The following OCIAD2 variants were observed in gnomAD, a reference collection of about 807,000 sequenced individuals.
OCIAD2 encodes OCIA domain-containing protein 2.
A neutral mutation model predicts 22.9 loss-of-function variants in OCIAD2; 29 were observed. The ratio of observed to expected loss-of-function variants is 1.27; its 90% CI spans 0.94 to 1.73. The LOEUF (loss-of-function observed/expected upper bound fraction) is 1.73. OCIAD2 is among the 40% of genes most tolerant of loss of function. The pLI is 0.00. For missense variants in OCIAD2, 189 were observed against 180.3 expected (o/e 1.05, Z -0.28); for synonymous variants, 67 against 60.2 (o/e 1.11, Z -0.52).
chr4:48,887,593 G>T (rs1299638624), intron 6 of OCIAD2, among the ~76,000 whole-genome samples: 3 of 152,142 alleles, frequency 2.0e-5, no homozygotes, highest in Non-Finnish European at 4.4e-5. Flanking sequence ...ATTAAGTAGG[G>T]AATCCTTTCC....
At chr4:48,899,299 G>C (rs572244479) in intron 3 of OCIAD2, among the ~76,000 whole-genome samples, 1 of 152,254 alleles carries the variant, frequency 6.6e-6, no homozygotes, top group African/African-American at 2.4e-5. Flanking sequence ...TCTTATGTGA[G>C]GCAGGCTCAG....
chr4:48,886,250 AT>A (rs1780983227), intron 6 of OCIAD2, among the ~76,000 whole-genome samples: 1 of 152,144 alleles, frequency 6.6e-6, no homozygotes, highest in South Asian at 2.1e-4. Flanking sequence ...GTGTGGTATT[AT>A]TTCTGAGGGC....
intron 4 of OCIAD2, among the ~76,000 whole-genome samples, chr4:48,896,735 G>A (rs1290539996): frequency 6.6e-6 from 1 of 151,476 alleles, no homozygotes; most frequent in Non-Finnish European, 1.5e-5. Flanking sequence ...ACAGTTTGAG[G>A]ACAGCTTGGG....
chr4:48,894,304 A>G (rs1307686868), intron 4 of OCIAD2, among the ~76,000 whole-genome samples: 2 of 152,112 alleles, frequency 1.3e-5, no homozygotes, highest in African/African-American at 4.8e-5. Flanking sequence ...CAGCTTGGCC[A>G]ACATGGTGAA....
At chr4:48,903,043 A>T (rs1449965423) in intron 2 of OCIAD2, among the ~76,000 whole-genome samples, 1 of 152,144 alleles carries the variant, frequency 6.6e-6, no homozygotes, top group African/African-American at 2.4e-5. Context: ...GTGTCCAAAT[A>T]ATTCTCCTTG....
At chr4:48,893,984 C>CT in intron 5 of OCIAD2, 22 bp downstream of exon 5, 1 of 1,486,634 alleles carries the variant, frequency 6.7e-7, no homozygotes, top group Non-Finnish European at 9.0e-7. Flanking sequence ...ACTTGGCTTG[C>CT]TTTTTTATTT....
chr4:48,901,949 G>A (rs530906347), intron 2 of OCIAD2, among the ~76,000 whole-genome samples: 6 of 149,802 alleles, frequency 4.0e-5, no homozygotes, highest in African/African-American at 1.0e-4. Context: ...GGGGAGGCGT[G>A]GGGGGGGCGT....
At chr4:48,886,254 C>G (rs1046083230) in intron 6 of OCIAD2, among the ~76,000 whole-genome samples, 2 of 152,160 alleles carry the variant, frequency 1.3e-5, no homozygotes, top group African/African-American at 2.4e-5. Context: ...GGTATTATTT[C>G]TGAGGGCTCT....
chr4:48,903,896 C>T (rs1301524297), intron 2 of OCIAD2, among the ~76,000 whole-genome samples: 6 of 151,904 alleles, frequency 3.9e-5, no homozygotes, highest in South Asian at 2.1e-4. Context: ...CCACCCGCCT[C>T]GGCCTCCCAA....
chr4:48,894,873 T>A (rs1383386481), intron 4 of OCIAD2, among the ~76,000 whole-genome samples: 1 of 152,118 alleles, frequency 6.6e-6, no homozygotes, highest in Non-Finnish European at 1.5e-5. Flanking sequence ...TCCGAATTCC[T>A]GGAAAAGGTG....
chr4:48,905,425 TA>T (rs371603094), intron 1 of OCIAD2, among the ~76,000 whole-genome samples: 269 of 136,116 alleles, frequency 2.0e-3, no homozygotes, highest in Admixed American at 2.1e-3. Flanking sequence ...GAAGAAAGAT[TA>T]AAAAAAAAAA....
At chr4:48,898,854 T>TGATAAACATG (rs1781357342) in intron 3 of OCIAD2, among the ~76,000 whole-genome samples, 2 of 152,184 alleles carry the variant, frequency 1.3e-5, no homozygotes, top group African/African-American at 4.8e-5. Context: ...CAGAGAGTAG[T>TGATAAACATG]GATAAACATG....
At chr4:48,897,905 C>T in intron 3 of OCIAD2, 48 bp from the exon 4 acceptor site, 1 of 1,371,502 alleles carries the variant, frequency 7.3e-7, no homozygotes, top group African/African-American at 1.4e-5. Context: ...AAAATTGGCA[C>T]CTCACCTAGA....
At chr4:48,890,772 A>G (rs1781147459) in intron 6 of OCIAD2, among the ~76,000 whole-genome samples, 1 of 152,216 alleles carries the variant, frequency 6.6e-6, no homozygotes, top group Admixed American at 6.5e-5. Context: ...CAGGACAGTG[A>G]TAGGATGTGT....
chr4:48,905,559 G>A (rs576160816), intron 1 of OCIAD2, among the ~76,000 whole-genome samples: 188 of 152,292 alleles, frequency 1.2e-3, no homozygotes, highest in Admixed American at 2.6e-3. Context: ...ATTTGGCAAT[G>A]ATGGACATAA....
chr4:48,891,273 C>A (rs180715711), intron 6 of OCIAD2, among the ~76,000 whole-genome samples: 2 of 152,346 alleles, frequency 1.3e-5, no homozygotes, highest in Non-Finnish European at 2.9e-5. Context: ...CCTTAACCCT[C>A]CCCTCCACCT....
At chr4:48,890,945 T>C (rs1320204175) in intron 6 of OCIAD2, among the ~76,000 whole-genome samples, 1 of 152,194 alleles carries the variant, frequency 6.6e-6, no homozygotes, top group Non-Finnish European at 1.5e-5. Context: ...TGAAAATCCT[T>C]AGCATGGCAT....
chr4:48,885,725 A>T (rs1239320482), intron 6 of OCIAD2, among the ~76,000 whole-genome samples, 160 bp from the exon 7 acceptor site: 3 of 152,100 alleles, frequency 2.0e-5, no homozygotes, highest in Non-Finnish European at 4.4e-5. Context: ...GGCTCAAGGG[A>T]TCCTCCCACC....
At chr4:48,899,676 G>A (rs1436071494) in intron 3 of OCIAD2, among the ~76,000 whole-genome samples, 153 bp downstream of exon 3, 1 of 152,180 alleles carries the variant, frequency 6.6e-6, no homozygotes, top group Non-Finnish European at 1.5e-5. Flanking sequence ...CCTAAAAAAG[G>A]TCTGAACTTG....
Sources: gnomAD v4.1 joint callset for allele counts (sites outside exome capture counted in the v4.1 genomes callset) on GRCh38, gnomAD v4.1.1 for gene constraint, MANE v1.5 for transcripts, NCBI Gene and HGNC (gene_info 2026-07-23, HGNC 2026-07-21) for gene names.